The following ATAD2B variants were observed in gnomAD, a reference collection of about 807,000 sequenced individuals.
ATAD2B encodes ATPase family AAA domain containing 2B, also known as ATPase family AAA domain-containing protein 2B.
ATAD2B carries 40 observed loss-of-function variants against 167.6 expected under a neutral mutation model. The observed-to-expected ratio is 0.24, with a 90% CI of 0.19 to 0.31. The LOEUF is 0.31. Among genes scored for constraint, ATAD2B ranks in the 10% least tolerant of loss-of-function variants. ATAD2B has a pLI of 1.00. For missense variants in ATAD2B, 1,242 were observed against 1,757.2 expected, an observed-to-expected ratio of 0.71 and a Z score of 5.24; for synonymous variants, 579 against 596.5, an observed-to-expected ratio of 0.97 and a Z score of 0.43.
the ATAD2B span, among the ~76,000 whole-genome samples, chr2:23,692,526 T>G: frequency 6.6e-6 from 1 of 152,056 alleles, no homozygotes; most frequent in Non-Finnish European, 1.5e-5. Context: ...GAGCCCAGCC[T>G]AGAGATGGGG....
intron 22 of ATAD2B, among the ~76,000 whole-genome samples, chr2:23,772,780 G>C: frequency 6.6e-6 from 1 of 152,344 alleles, no homozygotes; most frequent in Admixed American, 6.5e-5. Context: ...ACCCAAGCTA[G>C]AGTGCAGTGG....
At chr2:23,896,086 G>A (rs1042442218) in intron 1 of ATAD2B, 116 bp from the exon 2 acceptor site, 7 of 724,746 alleles carry the variant, frequency 9.7e-6, no homozygotes, top group Admixed American at 6.2e-5. Context: ...GGTGGCCGAG[G>A]TGGGCGATCA....
At position 23,883,735 on chromosome 2, in the gene ATAD2B, A is replaced by C. The variant is rs375681342; in HGVS notation, c.784+1030T>G. ...ATATTAACTACAGAATTTTTAAAAAACATAGTCTTCTCAATCTAAACTACA... is the reference window on the plus strand; with the variant it reads ...ATATTAACTACAGAATTTTTAAAAACCATAGTCTTCTCAATCTAAACTACA... On this transcript the variant is annotated intron_variant, in intron 6 of 27. Transcript: ENST00000238789. 12 of 522,946 alleles carry C rather than the reference A, an allele frequency of 2.3e-5. No homozygotes were observed. The Admixed American group carries it at 2.3e-4, about 10-fold the overall frequency. 32.4% of individuals were successfully genotyped at this position (522,946 alleles called of 1,614,324 possible).
At chr2:23,706,659 G>A in the ATAD2B span, 35 of 1,520,246 alleles carry the variant, frequency 2.3e-5, no homozygotes, top group Middle Eastern at 1.7e-4. Flanking sequence ...TATTCAAAGC[G>A]GCTGACATCA....
At chr2:23,706,686 A>G in the ATAD2B span, 15 of 1,486,782 alleles carry the variant, frequency 1.0e-5, no homozygotes, top group East Asian at 3.1e-4. Context: ...AGCCCACGAT[A>G]AGACTGTGGA....
At chr2:23,739,080 C>G in the ATAD2B span, among the ~76,000 whole-genome samples, 939 of 152,206 alleles carry the variant, frequency 6.2e-3, 7 homozygotes, top group African/African-American at 0.022. Context: ...AAGAGACTTA[C>G]ACTCCCACCC....
chr2:23,834,810 T>C (rs975754696), intron 13 of ATAD2B, among the ~76,000 whole-genome samples: 1 of 152,164 alleles, frequency 6.6e-6, no homozygotes, highest in African/African-American at 2.4e-5. Context: ...CCCAGCACTT[T>C]GGGAGGCTGA....
At chr2:23,756,314 A>C (rs1370559273) in intron 25 of ATAD2B, among the ~76,000 whole-genome samples, 1 of 152,130 alleles carries the variant, frequency 6.6e-6, no homozygotes, top group Non-Finnish European at 1.5e-5. Flanking sequence ...ATTTCTCTTT[A>C]TCCATTAAAG....
At chr2:23,905,065 T>C (rs1028781408) in intron 1 of ATAD2B, among the ~76,000 whole-genome samples, 33 of 152,158 alleles carry the variant, frequency 2.2e-4, no homozygotes, top group African/African-American at 8.0e-4. Flanking sequence ...AAAAAATACA[T>C]AGAAGCGACC....
chr2:23,691,888 G>A, the ATAD2B span: 2 of 1,546,928 alleles, frequency 1.3e-6, no homozygotes, highest in Non-Finnish European at 1.7e-6. Flanking sequence ...TGAGCCCGGG[G>A]GCCACATATG....
intron 1 of ATAD2B, among the ~76,000 whole-genome samples, chr2:23,924,575 C>G (rs1573486496): frequency 6.6e-6 from 1 of 152,250 alleles, no homozygotes; most frequent in East Asian, 1.9e-4. Context: ...AGTTACGTCT[C>G]TAAAAAAACC....
chr2:23,891,614 G>A (rs1223764498), intron 2 of ATAD2B, among the ~76,000 whole-genome samples: 1 of 151,722 alleles, frequency 6.6e-6, no homozygotes, highest in Non-Finnish European at 1.5e-5. Context: ...TCATGCCTCA[G>A]CCTCCCAAGC....
At chr2:23,848,225 A>C (rs576081370) in intron 13 of ATAD2B, among the ~76,000 whole-genome samples, 3 of 152,332 alleles carry the variant, frequency 2.0e-5, no homozygotes, top group African/African-American at 7.2e-5. Flanking sequence ...GTACAAGGCC[A>C]GGCACAATGG....
At chr2:23,849,447 G>T (rs921446000) in intron 13 of ATAD2B, among the ~76,000 whole-genome samples, 1 of 152,160 alleles carries the variant, frequency 6.6e-6, no homozygotes, top group Non-Finnish European at 1.5e-5. Context: ...ACAAAAACTA[G>T]CAGAATTAAA....
chr2:23,696,536 AG>A, the ATAD2B span: 1 of 1,486,126 alleles, frequency 6.7e-7, no homozygotes, highest in South Asian at 1.4e-5. This position sits in a 1 kb window ranked among gnomAD's most constrained non-coding sequence, Gnocchi z 5.5. Flanking sequence ...CGGTCAGGAC[AG>A]GGGCATGCTC....
chr2:23,767,281 A>G (rs879568122), intron 22 of ATAD2B, among the ~76,000 whole-genome samples: 1 of 152,056 alleles, frequency 6.6e-6, no homozygotes, highest in East Asian at 1.9e-4. Flanking sequence ...AAATTAGCCA[A>G]TCGGAATTAG....
intron 17 of ATAD2B, among the ~76,000 whole-genome samples, chr2:23,818,077 A>AACACACACACACACACATTACACACAC (rs1686730538): frequency 1.4e-5 from 2 of 142,266 alleles, no homozygotes; most frequent in Admixed American, 1.4e-4. Flanking sequence ...AACACACATA[A>AACACACACACACACACATTACACACAC]ACACACACAC....
At position 23,754,202 on chromosome 2, in the gene ATAD2B, A is replaced by T; in HGVS notation, c.4312T>A (p.Tyr1438Asn). ...SQCIYRHRKD[Y>N]DKSQLVEEME... The stretch of plus-strand genomic sequence containing the variant: ...ACCTCTACAAGTTGTGATTTGTCAT[A>T]ATCTTTACGATGACGGTAGATACAC... The change falls in exon 27 of 28, where the codon TAT (tyrosine) becomes AAT (asparagine). Residue 1438 changes from tyrosine to asparagine, a missense_variant. Tyr to Asn is a moderately radical substitution (Grantham distance 143). This residue lies in a region of ATAD2B where 282 missense variants were observed against 346.8 expected (regional missense o/e 0.81). Coordinates refer to ENST00000238789, the MANE Select transcript of ATAD2B (RefSeq NM_017552.4). 6.5e-7 allele frequency: 1 copy of T among 1,548,524 alleles called. No individual in the cohort carries two copies. Among genetic ancestry groups the T allele is most frequent in the Non-Finnish European group, 8.7e-7 (1 of 1,146,222 alleles).
intron 16 of ATAD2B, among the ~76,000 whole-genome samples, chr2:23,821,762 T>C (rs1687482043): frequency 6.6e-6 from 1 of 152,244 alleles, no homozygotes; most frequent in Non-Finnish European, 1.5e-5. Flanking sequence ...AATGTCAATG[T>C]AATTTTTAAA....
Sources: gnomAD v4.1 joint callset for allele counts (sites outside exome capture counted in the v4.1 genomes callset) on GRCh38, gnomAD v4.1.1 for gene constraint, gnomAD v4.1.1 regional missense constraint, Gnocchi (gnomAD v3.1) non-coding constraint, MANE v1.5 for transcripts, NCBI Gene and HGNC (gene_info 2026-07-23, HGNC 2026-07-21) for gene names.